The following EFCAB5 variants were observed in gnomAD, a reference collection of about 807,000 sequenced individuals.
EFCAB5 encodes EF-hand calcium binding domain 5.
In EFCAB5, 131 loss-of-function variants were observed where a neutral mutation model predicts 167.9. The observed-to-expected ratio is 0.78, with a 90% CI of 0.68 to 0.90. EFCAB5 has a LOEUF of 0.90. Among genes scored for constraint, EFCAB5 ranks in the 40% least tolerant of loss-of-function variants. EFCAB5 has a pLI of 0.00. For synonymous variants in EFCAB5, 574 were observed against 602.8 expected (o/e 0.95, Z 0.70); for missense variants, 1,663 against 1,745.2 (o/e 0.95, Z 0.84).
intron 7 of EFCAB5, among the ~76,000 whole-genome samples, chr17:30,021,136 A>ATT (rs539917047): frequency 0.078 from 11,306 of 145,876 alleles, 879 homozygotes; most frequent in African/African-American, 0.21. Context: ...ATAGGAAATA[A>ATT]TTTTTTTTTT....
chr17:29,992,530 T>C (rs2068443989), intron 4 of EFCAB5, among the ~76,000 whole-genome samples: 1 of 152,172 alleles, frequency 6.6e-6, no homozygotes, highest in African/African-American at 2.4e-5. Flanking sequence ...GTATTTTTAG[T>C]AGAGACAGGG....
intron 7 of EFCAB5, among the ~76,000 whole-genome samples, chr17:30,007,423 A>T (rs1287073123): frequency 6.6e-6 from 1 of 152,234 alleles, no homozygotes; most frequent in East Asian, 1.9e-4. Context: ...AATTTATTCC[A>T]GAGTCTTATT....
At chr17:30,054,172 C>A in intron 10 of EFCAB5, 24 bp downstream of exon 10, 1 of 1,493,754 alleles carries the variant, frequency 6.7e-7, no homozygotes, top group Non-Finnish European at 8.9e-7. Context: ...TCTTCTACAA[C>A]ATCAGTTCCC....
At chr17:29,987,776 G>A (rs2068320369) in intron 4 of EFCAB5, among the ~76,000 whole-genome samples, 1 of 152,118 alleles carries the variant, frequency 6.6e-6, no homozygotes, top group African/African-American at 2.4e-5. Context: ...ATATACTGGG[G>A]CATTGTCTGT....
chr17:30,080,569 G>A (rs979593742), intron 16 of EFCAB5, among the ~76,000 whole-genome samples, 184 bp from the exon 17 acceptor site: 1 of 146,904 alleles, frequency 6.8e-6, no homozygotes, highest in African/African-American at 2.5e-5. Context: ...TTTTTTGTTT[G>A]TTTGTTTTGT....
chr17:29,957,165 G>A (rs2067632360), intron 3 of EFCAB5, among the ~76,000 whole-genome samples: 1 of 152,046 alleles, frequency 6.6e-6, no homozygotes, highest in Non-Finnish European at 1.5e-5. Context: ...ATGAAGAGCT[G>A]TTGAATTTCA....
At chr17:30,094,486 C>T (rs921716636) in intron 22 of EFCAB5, among the ~76,000 whole-genome samples, 106 of 104,114 alleles carry the variant, frequency 1.0e-3, no homozygotes, top group Non-Finnish European at 1.2e-3. Context: ...GCGTGGACAA[C>T]ATGGCAAAAT....
intron 6 of EFCAB5, 35 bp downstream of exon 6, chr17:29,996,395 T>C (rs1227844644): frequency 6.6e-7 from 1 of 1,503,782 alleles, no homozygotes; most frequent in Admixed American, 2.1e-5. Context: ...TTTTTATTTT[T>C]ATTTCTTTTT....
intron 3 of EFCAB5, among the ~76,000 whole-genome samples, chr17:29,945,965 A>C (rs145111317): frequency 2.6e-5 from 4 of 152,204 alleles, no homozygotes; most frequent in Admixed American, 2.0e-4. Flanking sequence ...AGCAAATGCA[A>C]TAAAACAAAA....
intron 7 of EFCAB5, among the ~76,000 whole-genome samples, chr17:30,002,231 T>C (rs1196558148): frequency 1.3e-5 from 2 of 152,184 alleles, no homozygotes; most frequent in East Asian, 1.9e-4. Flanking sequence ...GTTGCAAAGA[T>C]AGTACAGAGA....
At chr17:29,951,447 C>G (rs958288966) in intron 3 of EFCAB5, among the ~76,000 whole-genome samples, 1 of 152,112 alleles carries the variant, frequency 6.6e-6, no homozygotes, top group African/African-American at 2.4e-5. Flanking sequence ...ATGCCATTCT[C>G]CTGCCTCAGC....
chr17:29,939,788 T>C (rs915143046), upstream of EFCAB5, among the ~76,000 whole-genome samples: 1 of 152,246 alleles, frequency 6.6e-6, no homozygotes, highest in African/African-American at 2.4e-5. Context: ...GGCTTTGGCT[T>C]AAGGGAATGT....
chr17:29,942,608 G>A lies in EFCAB5; in HGVS notation c.105+306G>A, dbSNP rs567230606. ...GTCACTTTACTATCATGCTGAAAAT[G>A]TAATTTCCAGGTTAATCATTTAAGT... On this transcript the variant is annotated intron_variant, in intron 2 of 22. Transcript: ENST00000394835. Among the ~76,000 whole-genome samples, 28 of 152,236 alleles carry A rather than the reference G, an allele frequency of 1.8e-4. No homozygotes were observed. The East Asian group carries it at 3.9e-3, about 21-fold the overall frequency.
intron 3 of EFCAB5, among the ~76,000 whole-genome samples, chr17:29,956,851 A>AAGAG (rs1325212456): frequency 6.6e-6 from 1 of 152,092 alleles, no homozygotes; most frequent in Non-Finnish European, 1.5e-5. Context: ...GAGAGAAAGA[A>AAGAG]AGAGAGAGGT....
chr17:29,932,678 G>C (rs894582449), intron 1 of EFCAB5, among the ~76,000 whole-genome samples: 2 of 151,914 alleles, frequency 1.3e-5, no homozygotes, highest in African/African-American at 2.4e-5. Flanking sequence ...GGCTGGTCTC[G>C]AACTCCTGAC....
intron 15 of EFCAB5, 129 bp from the exon 16 acceptor site, chr17:30,079,943 T>C: frequency 9.1e-7 from 1 of 1,099,568 alleles, no homozygotes; most frequent in Non-Finnish European, 1.3e-6. Flanking sequence ...TGAATAGTAA[T>C]ATATGCATTC....
intron 2 of EFCAB5, among the ~76,000 whole-genome samples, chr17:29,943,198 G>T (rs1299342853): frequency 6.6e-6 from 1 of 152,064 alleles, no homozygotes; most frequent in Non-Finnish European, 1.5e-5. Context: ...GATTCTAGTA[G>T]TAAAACAGTA....
chr17:29,948,077 C>T (rs6505147), intron 3 of EFCAB5, among the ~76,000 whole-genome samples: 58,191 of 151,964 alleles, frequency 0.38, 13,415 homozygotes, highest in East Asian at 0.68. Flanking sequence ...CCGCCCACCT[C>T]GGCCTCCCAA....
At chr17:30,014,859 G>A (rs1283473393) in intron 7 of EFCAB5, among the ~76,000 whole-genome samples, 1 of 152,106 alleles carries the variant, frequency 6.6e-6, no homozygotes, top group Admixed American at 6.5e-5. Context: ...AGCTGGTTAT[G>A]TTGCCTGTTA....
Sources: allele counts gnomAD v4.1 joint callset (sites outside exome capture counted in the v4.1 genomes callset), GRCh38; gene constraint gnomAD v4.1.1; transcripts MANE v1.5; gene names NCBI Gene and HGNC (gene_info 2026-07-23, HGNC 2026-07-21).